DCC: variants seen among roughly 807,000 people sequenced by gnomAD.
DCC encodes DCC netrin 1 receptor.
DCC carries 58 observed loss-of-function variants against 172.5 expected under a neutral mutation model. That is an observed-to-expected ratio of 0.34 (90% CI 0.27 to 0.42). DCC has a LOEUF of 0.42. Among genes scored for constraint, DCC ranks in the 10% least tolerant of loss-of-function variants. The pLI, the probability that DCC is intolerant of heterozygous loss-of-function variation, is 1.00. For missense variants in DCC, 1,740 were observed against 1,791.0 expected, an observed-to-expected ratio of 0.97 and a Z score of 0.51; for synonymous variants, 709 against 644.5, an observed-to-expected ratio of 1.10 and a Z score of -1.52.
At chr18:53,451,017 G>C (rs558605575) in intron 23 of DCC, among the ~76,000 whole-genome samples, 83 of 152,262 alleles carry the variant, frequency 5.5e-4, no homozygotes, top group Admixed American at 1.1e-3. Flanking sequence ...CACGAGATTT[G>C]AGGAATGTGT....
chr18:52,947,631 T>G (rs2040569346), intron 5 of DCC, among the ~76,000 whole-genome samples: 1 of 152,146 alleles, frequency 6.6e-6, no homozygotes, highest in Admixed American at 6.5e-5. Context: ...TCTTTAAATG[T>G]TTTAGCATTT....
At chr18:52,852,528 C>G (rs1307607978) in intron 2 of DCC, among the ~76,000 whole-genome samples, 1 of 152,002 alleles carries the variant, frequency 6.6e-6, no homozygotes, top group Non-Finnish European at 1.5e-5. Context: ...ATAGGTAAAT[C>G]AATACAAGGT....
At chr18:52,442,440 G>C (rs1987998451) in intron 1 of DCC, among the ~76,000 whole-genome samples, 1 of 152,116 alleles carries the variant, frequency 6.6e-6, no homozygotes, top group African/African-American at 2.4e-5. Context: ...AAGATTTTGA[G>C]CTTATAGGTT....
chr18:53,261,467 A>G (rs575222924), intron 12 of DCC, among the ~76,000 whole-genome samples: 1 of 152,174 alleles, frequency 6.6e-6, no homozygotes, highest in African/African-American at 2.4e-5. Flanking sequence ...GGTCATACTT[A>G]TGTCTTTCCT....
At chr18:52,515,197 G>T (rs2031585151) in intron 1 of DCC, among the ~76,000 whole-genome samples, 1 of 152,164 alleles carries the variant, frequency 6.6e-6, no homozygotes, top group African/African-American at 2.4e-5. Flanking sequence ...ATGGAGAAAA[G>T]ATGGCCTTTT....
At chr18:52,536,128 A>G (rs1443400598) in intron 1 of DCC, among the ~76,000 whole-genome samples, 1 of 152,096 alleles carries the variant, frequency 6.6e-6, no homozygotes, top group Non-Finnish European at 1.5e-5. Flanking sequence ...AAAGTAGAGG[A>G]AGGGAACGGG....
At chr18:52,548,819 C>T (rs117152523) in intron 1 of DCC, among the ~76,000 whole-genome samples, 1,551 of 152,166 alleles carry the variant, frequency 0.01, 10 homozygotes, top group Non-Finnish European at 0.016. Context: ...GTGATTTGAT[C>T]AGTATTACCC....
intron 1 of DCC, among the ~76,000 whole-genome samples, chr18:52,407,145 A>T (rs1598793015): frequency 6.6e-6 from 1 of 152,022 alleles, no homozygotes; most frequent in African/African-American, 2.4e-5. Flanking sequence ...ATTAACAACC[A>T]CTTATTTTTG....
At chr18:53,053,505 C>A (rs1175831180) in intron 5 of DCC, among the ~76,000 whole-genome samples, 1 of 152,070 alleles carries the variant, frequency 6.6e-6, no homozygotes, top group Non-Finnish European at 1.5e-5. Context: ...TATAATCTAC[C>A]ATTCCCTCAT....
At chr18:52,813,733 G>T (rs550193943) in intron 2 of DCC, among the ~76,000 whole-genome samples, 132 of 152,230 alleles carry the variant, frequency 8.7e-4, no homozygotes, top group African/African-American at 3.0e-3. Flanking sequence ...GTGTGGGTGG[G>T]CTTCATGTAA....
chr18:52,906,183 A>G lies in DCC; in HGVS notation c.552A>G (p.Pro184=), dbSNP rs2039878830. ...ACCAACAAGACCTGACTCCAATCCC[A>G]GGTGACTCCCGAGTGGTGGTCTTGC... is the stretch of plus-strand genomic sequence containing the variant. The part of the protein sequence containing the change: ...QKNQQDLTPI[P]GDSRVVVLPS... Residue 184 remains proline, a synonymous_variant, in exon 3 of 29, where the codon CCA becomes CCG. Coordinates refer to ENST00000442544, the MANE Select transcript of DCC (RefSeq NM_005215.4). 1.2e-6 allele frequency: 2 copies of G among 1,614,100 alleles called. No individual in the cohort carries two copies. The highest frequency in any genetic ancestry group is 1.7e-5 in the Admixed American group (1 of 60,002).
At chr18:52,641,690 G>T (rs2034893764) in intron 1 of DCC, among the ~76,000 whole-genome samples, 1 of 151,960 alleles carries the variant, frequency 6.6e-6, no homozygotes, top group African/African-American at 2.4e-5. Context: ...TGCAAGAATG[G>T]CCATAATCAA....
chr18:52,422,332 C>A (rs182644080), intron 1 of DCC, among the ~76,000 whole-genome samples: 3 of 152,258 alleles, frequency 2.0e-5, no homozygotes, highest in Admixed American at 2.0e-4. Flanking sequence ...AAAAAGAATT[C>A]TGAGACTTGT....
chr18:52,469,682 G>A (rs898404309), intron 1 of DCC, among the ~76,000 whole-genome samples: 12 of 152,168 alleles, frequency 7.9e-5, no homozygotes, highest in African/African-American at 2.2e-4. Flanking sequence ...ACTAATTGTT[G>A]TAACAAACAC....
At chr18:52,710,990 G>A (rs1335697257) in intron 1 of DCC, among the ~76,000 whole-genome samples, 1 of 152,194 alleles carries the variant, frequency 6.6e-6, no homozygotes, top group African/African-American at 2.4e-5. Flanking sequence ...GAGATTTTAT[G>A]TGATAGGTTT....
chr18:53,428,111 AATAATAT>A (rs1440451591), intron 21 of DCC, among the ~76,000 whole-genome samples: 1 of 36,580 alleles, frequency 2.7e-5, no homozygotes, highest in East Asian at 5.0e-4. Context: ...AATATAATAT[AATAATAT>A]ATAATATATA....
At chr18:52,854,246 C>T (rs1226631007) in intron 2 of DCC, among the ~76,000 whole-genome samples, 2 of 152,106 alleles carry the variant, frequency 1.3e-5, no homozygotes, top group Non-Finnish European at 2.9e-5. Context: ...AGTATAACCT[C>T]TCATTTATTC....
Position 53,477,149 on chromosome 18 carries a change from C to T in DCC, c.3736+9139C>T, listed in dbSNP as rs1222302322. Among the ~76,000 whole-genome samples the T allele has an allele frequency of 2.0e-5, 3 of 152,258 alleles. No individual in the cohort carries two copies. The East Asian group carries it at 5.8e-4, about 29-fold the overall frequency. ...TCAGCCCCCTGAGTATATGGAACTA[C>T]AGACATAAGCCAACATGCCCAGCTA... On this transcript the variant is annotated intron_variant, in intron 25 of 28. Coordinates refer to ENST00000442544, the MANE Select transcript of DCC (RefSeq NM_005215.4).
rs561410799 is a variant in DCC, at chr18:53,409,324, A to G, written c.2936-1128A>G. Among the ~76,000 whole-genome samples the G allele has an allele frequency of 5.3e-5, 8 of 152,316 alleles. No individual in the cohort carries two copies. The East Asian group carries it at 1.5e-3, about 29-fold the overall frequency. The stretch of plus-strand genomic sequence containing the variant: ...GAAGGTCCCCAGTCCAGCTGGGACA[A>G]GAGGGACTCAAAAGGAAAGAATAGG... On this transcript the variant is annotated intron_variant, in intron 19 of 28. Coordinates refer to ENST00000442544, the MANE Select transcript of DCC (RefSeq NM_005215.4).
Sources: allele counts gnomAD v4.1 joint callset (sites outside exome capture counted in the v4.1 genomes callset), GRCh38; gene constraint gnomAD v4.1.1; transcripts MANE v1.5; gene names NCBI Gene and HGNC (gene_info 2026-07-23, HGNC 2026-07-21).